SRL: variants seen among roughly 807,000 people sequenced by gnomAD.
SRL encodes the protein sarcalumenin.
A neutral mutation model predicts 39.5 loss-of-function variants in SRL; 23 were observed. The observed-to-expected ratio is 0.58, with a 90% CI of 0.42 to 0.82. The LOEUF (loss-of-function observed/expected upper bound fraction) is 0.82, where lower values mean the gene tolerates loss of function less well. SRL is among the 40% of genes least tolerant of loss of function. The probability of loss-of-function intolerance (pLI) is 0.00; values close to 1 mark genes in which losing one functional copy is unlikely to be tolerated. For missense variants in SRL, 592 were observed against 607.8 expected, an observed-to-expected ratio of 0.97 and a Z score of 0.27; for synonymous variants, 272 against 237.4, an observed-to-expected ratio of 1.15 and a Z score of -1.34.
chr16:4,222,856 A>G lies in SRL; in HGVS notation c.62-18222T>C, dbSNP rs547185456. On this transcript the variant is annotated intron_variant, in intron 1 of 5. Coordinates refer to ENST00000399609, the MANE Select transcript of SRL (RefSeq NM_001098814.2). ...CGCCTAGAATCCCAGCACTTTGGGA[A>G]GCTGAGGCAGATGGATCACCTGAGG... is the stretch of plus-strand genomic sequence containing the variant. 3.1e-3 allele frequency among the ~76,000 whole-genome samples: 477 copies of G among 152,014 alleles called. 1 individual carries two copies. The highest frequency in any genetic ancestry group is 4.5e-3 in the Non-Finnish European group (305 of 67,958).
At chr16:4,211,815 T>A (rs1407704032) in intron 1 of SRL, among the ~76,000 whole-genome samples, 1 of 151,988 alleles carries the variant, frequency 6.6e-6, no homozygotes, top group Admixed American at 6.6e-5. Context: ...ATGATGATGA[T>A]GGCAGCAATG....
At chr16:4,225,349 G>C (rs551208155) in intron 1 of SRL, among the ~76,000 whole-genome samples, 35 of 152,214 alleles carry the variant, frequency 2.3e-4, no homozygotes, top group Non-Finnish European at 4.0e-4. Context: ...CGGTGAGGCT[G>C]AGGTGAGAGG....
At chr16:4,223,285 A>C (rs867260037) in intron 1 of SRL, among the ~76,000 whole-genome samples, 1 of 151,092 alleles carries the variant, frequency 6.6e-6, no homozygotes, top group Middle Eastern at 3.2e-3. Flanking sequence ...GGGCTCGATG[A>C]TTGAAAAAAA....
At chr16:4,215,052 G>C (rs535841215) in intron 1 of SRL, among the ~76,000 whole-genome samples, 9 of 152,352 alleles carry the variant, frequency 5.9e-5, no homozygotes, top group East Asian at 1.9e-4. Flanking sequence ...ACAGGCATGA[G>C]CCACTGCACC....
Position 4,195,629 on chromosome 16 carries a change from A to G in SRL, c.534T>C (p.Val178=). ...NFLEKLIGIE[V]PHKLLERVTF... is the part of the protein sequence containing the mutation. Reference sequence around the variant, plus strand: ...TGACCCTCTCCAGAAGTTTGTGGGGAACCTCAATGCCAATCAGCTTCTCTA... The same window carrying G: ...TGACCCTCTCCAGAAGTTTGTGGGGGACCTCAATGCCAATCAGCTTCTCTA... The change falls in exon 5 of 6, where the codon GTT becomes GTC. Residue 178 remains valine (V), a synonymous_variant. Coordinates refer to ENST00000399609, the MANE Select transcript of SRL (RefSeq NM_001098814.2). The G allele has an allele frequency of 6.2e-7, 1 of 1,614,186 alleles. No homozygotes were observed. Among genetic ancestry groups the G allele is most frequent in the Non-Finnish European group, 8.5e-7 (1 of 1,180,044 alleles).
At position 4,190,667 on chromosome 16, in the gene SRL, A is replaced by C. The variant is rs2052049611; in HGVS notation, c.*1486T>G. 2.5e-6 allele frequency: 1 copy of C among 393,766 alleles called. No individual in the cohort carries two copies. The allele number at this position is 393,766 out of a possible 1,614,324, so 24.4% of individuals were successfully genotyped here. A position where few individuals can be genotyped will look rare whatever the true frequency, so the allele number is the denominator to read the frequency against. On this transcript the variant is annotated 3_prime_UTR_variant, in exon 6 of 6. Coordinates refer to ENST00000399609, the MANE Select transcript of SRL (RefSeq NM_001098814.2). Reference sequence around the variant, plus strand: ...ACAACATACACACATATTCACACTTATTGGTATTGAAGGCCCTGGCTTTCC... The same window carrying C: ...ACAACATACACACATATTCACACTTCTTGGTATTGAAGGCCCTGGCTTTCC...
At chr16:4,226,954 A>T (rs2052597643) in intron 1 of SRL, among the ~76,000 whole-genome samples, 1 of 145,930 alleles carries the variant, frequency 6.9e-6, no homozygotes, top group Non-Finnish European at 1.5e-5. Flanking sequence ...ATGGATGAGT[A>T]GATGCATGGA....
chr16:4,237,090 C>T (rs956162976), intron 1 of SRL, among the ~76,000 whole-genome samples: 1 of 151,888 alleles, frequency 6.6e-6, no homozygotes, highest in East Asian at 1.9e-4. Context: ...TACAGGTACC[C>T]GCCATCATGC....
At chr16:4,220,396 C>T (rs992268303) in intron 1 of SRL, among the ~76,000 whole-genome samples, 5 of 151,252 alleles carry the variant, frequency 3.3e-5, no homozygotes, top group South Asian at 2.1e-4. Flanking sequence ...TGCAGTGAGC[C>T]GAGATCACGC....
intron 3 of SRL, among the ~76,000 whole-genome samples, chr16:4,202,303 T>G (rs2052245863): frequency 6.6e-6 from 1 of 151,988 alleles, no homozygotes; most frequent in Non-Finnish European, 1.5e-5. Context: ...ATTAAAGAAG[T>G]TGGAGGTCGG....
chr16:4,192,509 C>T lies in SRL; in HGVS notation c.1066G>A (p.Asp356Asn). Residue 356 changes from aspartate to asparagine, a missense_variant, in exon 6 of 6, where the codon GAC becomes AAC. By Grantham distance (23) the Asp-to-Asn change is conservative. Coordinates refer to ENST00000399609, the MANE Select transcript of SRL (RefSeq NM_001098814.2). This position sits in a 1 kb window ranked among gnomAD's most constrained non-coding sequence, Gnocchi z 4.0. ...CCATCACTGAAGAAGGTCATTTTGTCCTTGTAAGTCTGCAGGTAGCGGTCA... is the reference window on the plus strand; with the variant it reads ...CCATCACTGAAGAAGGTCATTTTGTTCTTGTAAGTCTGCAGGTAGCGGTCA... Reference protein sequence around the residue: ...LVDRYLQTYKDKMTFFSDGEL... With the variant: ...LVDRYLQTYKNKMTFFSDGEL... 6.2e-7 allele frequency: 1 copy of T among 1,614,170 alleles called. No individual in the cohort carries two copies. The highest frequency in any genetic ancestry group is 2.2e-5 in the East Asian group (1 of 44,886).
chr16:4,192,452 G>T lies in SRL; in HGVS notation c.1123C>A (p.Pro375Thr). 6.2e-7 allele frequency: 1 copy of T among 1,614,178 alleles called. No individual in the cohort carries two copies. Among genetic ancestry groups the T allele is most frequent in the Non-Finnish European group, 8.5e-7 (1 of 1,180,036 alleles). ...GTCTTGAAGATGTAGAATTTATCGG[G>T]ATCTTCCACAATGTCCTTAAAGACC... is the stretch of plus-strand genomic sequence containing the variant. ...ELVFKDIVED[P>T]DKFYIFKTIL... The change falls in exon 6 of 6, where the codon CCC (proline) becomes ACC (threonine). Residue 375 changes from proline (P) to threonine (T), a missense_variant. Coordinates refer to ENST00000399609, the MANE Select transcript of SRL (RefSeq NM_001098814.2). This position sits in a 1 kb window ranked among gnomAD's most constrained non-coding sequence, Gnocchi z 4.0.
At chr16:4,198,172 A>G (rs1454291295) in intron 3 of SRL, among the ~76,000 whole-genome samples, 1 of 152,230 alleles carries the variant, frequency 6.6e-6, no homozygotes, top group East Asian at 1.9e-4. Flanking sequence ...ATCTCAGTGA[A>G]TTCAACAAAC....
At chr16:4,238,485 G>A (rs2052736587) in intron 1 of SRL, among the ~76,000 whole-genome samples, 1 of 152,190 alleles carries the variant, frequency 6.6e-6, no homozygotes, top group South Asian at 2.1e-4. Flanking sequence ...AAAAGCACTG[G>A]CCAAGGAGTG....
intron 1 of SRL, among the ~76,000 whole-genome samples, chr16:4,208,866 T>G (rs2052358990): frequency 6.6e-6 from 1 of 151,886 alleles, no homozygotes; most frequent in Non-Finnish European, 1.5e-5. Context: ...GATCCCCTTG[T>G]AAGGGACTGC....
At chr16:4,200,530 G>C (rs888690834) in intron 3 of SRL, among the ~76,000 whole-genome samples, 1 of 152,192 alleles carries the variant, frequency 6.6e-6, no homozygotes, top group African/African-American at 2.4e-5. Flanking sequence ...GCAAGGAAGC[G>C]GGACCTCCCT....
Position 4,190,945 on chromosome 16 carries a change from G to C in SRL, c.*1208C>G, listed in dbSNP as rs897295195. On this transcript the variant is annotated 3_prime_UTR_variant, in exon 6 of 6. Transcript: ENST00000399609. Reference sequence around the variant, plus strand: ...AAACAGCCTCCTCTGAAATTTGAGAGACTGGCGGCCTAAGGAAAAGGAGCA... The same window carrying C: ...AAACAGCCTCCTCTGAAATTTGAGACACTGGCGGCCTAAGGAAAAGGAGCA... 6.5e-6 allele frequency: 1 copy of C among 154,036 alleles called. No homozygotes were observed. Among genetic ancestry groups the C allele is most frequent in the African/African-American group, 2.4e-5 (1 of 41,516 alleles). 9.5% of individuals were successfully genotyped at this position (154,036 alleles called of 1,614,324 possible).
At chr16:4,205,036 G>A (rs539521401) in intron 1 of SRL, among the ~76,000 whole-genome samples, 5 of 151,944 alleles carry the variant, frequency 3.3e-5, no homozygotes, top group South Asian at 4.2e-4. Context: ...TTAAAGTAAC[G>A]CTAGGGCCGA....
rs181631477 is a variant in SRL at position 4,217,499 on chromosome 16, G to A, written c.62-12865C>T. ...ACTTCTGGGCTCAAGCGATCCTCCA[G>A]CCTTAGCGTCTCAAAGTGCTGGGAT... On this transcript the variant is annotated intron_variant, in intron 1 of 5. Transcript: ENST00000399609. Among the ~76,000 whole-genome samples, 199 of 152,294 alleles carry A rather than the reference G, an allele frequency of 1.3e-3. 1 individual carries two copies. Among genetic ancestry groups the A allele is most frequent in the African/African-American group, 4.5e-3 (185 of 41,568 alleles).
Sources: gnomAD v4.1 joint callset for allele counts (sites outside exome capture counted in the v4.1 genomes callset) on GRCh38, gnomAD v4.1.1 for gene constraint, Gnocchi (gnomAD v3.1) non-coding constraint, MANE v1.5 for transcripts, NCBI Gene and HGNC (gene_info 2026-07-23, HGNC 2026-07-21) for gene names.